Variants in OSBPL9 observed in about 807,000 individuals in gnomAD.
OSBPL9 encodes oxysterol-binding protein-related protein 9.
A neutral mutation model predicts 106.6 loss-of-function variants in OSBPL9; 40 were observed. The observed-to-expected ratio is 0.38, with a 90% CI of 0.29 to 0.49. OSBPL9 has a LOEUF of 0.49. Among genes scored for constraint, OSBPL9 ranks in the 20% least tolerant of loss-of-function variants. The pLI is 0.97. For missense variants in OSBPL9, 609 were observed against 887.2 expected (o/e 0.69, Z 3.98); for synonymous variants, 269 against 295.4 (o/e 0.91, Z 0.92).
At position 51,729,710 on chromosome 1, in the gene OSBPL9, G is replaced by A. The variant is rs933248504; in HGVS notation, c.318+15631G>A. 1 of 716,566 alleles carries A rather than the reference G, an allele frequency of 1.4e-6. No homozygotes were observed. The highest frequency in any genetic ancestry group is 1.9e-6 in the Non-Finnish European group (1 of 521,566). 44.4% of individuals were successfully genotyped at this position (716,566 alleles called of 1,614,324 possible). A position where few individuals can be genotyped will look rare whatever the true frequency, so the allele number is the denominator to read the frequency against. On this transcript the variant is annotated intron_variant, in intron 4 of 23. Coordinates refer to ENST00000428468, the MANE Select transcript of OSBPL9 (RefSeq NM_024586.6). This position sits in a 1 kb window ranked among gnomAD's most constrained non-coding sequence, Gnocchi z 5.1. ...GTCTGCCTCTCACCTCCTACAGCAG[G>A]TGACCCATGGCCAATCGCCAGGGGT...
intron 1 of OSBPL9, among the ~76,000 whole-genome samples, chr1:51,641,946 T>G (rs1377169942): frequency 6.6e-6 from 1 of 152,220 alleles, no homozygotes; most frequent in Non-Finnish European, 1.5e-5. Flanking sequence ...TAGATGTTTC[T>G]TTACAGAAAA....
chr1:51,740,942 CCAAAG>C (rs1401585099), intron 4 of OSBPL9, among the ~76,000 whole-genome samples: 1 of 152,144 alleles, frequency 6.6e-6, no homozygotes, highest in African/African-American at 2.4e-5. Flanking sequence ...AAGTGTCTCT[CCAAAG>C]CAACTATAAT....
In OSBPL9 at chr1:51,789,069, C is replaced by T. The variant is rs1021213506; in HGVS notation, c.*1280C>T. On this transcript the variant is annotated 3_prime_UTR_variant, in exon 24 of 24. Transcript: ENST00000428468. ...TTCCTTTGCCAGCTCCTACAGTAAC[C>T]CTGGGTTTATTAGTCTCAACAAAGG... The T allele has an allele frequency of 1.6e-5, 11 of 698,690 alleles. No homozygotes were observed. The Admixed American group carries it at 2.9e-4, about 18-fold the overall frequency. 43.3% of individuals were successfully genotyped at this position (698,690 alleles called of 1,614,324 possible). A position where few individuals can be genotyped will look rare whatever the true frequency, so the allele number is the denominator to read the frequency against.
chr1:51,781,433 G>T, intron 16 of OSBPL9, 98 bp downstream of exon 16: 1 of 1,218,502 alleles, frequency 8.2e-7, no homozygotes, highest in Non-Finnish European at 1.2e-6. Context: ...ATGATCAAAA[G>T]ATGGTCACCA....
At chr1:51,594,387 G>A (rs1390959131) in intron 1 of OSBPL9, among the ~76,000 whole-genome samples, 1 of 151,948 alleles carries the variant, frequency 6.6e-6, no homozygotes, top group Non-Finnish European at 1.5e-5. Context: ...AGGTGACGGA[G>A]TGAGACTCCA....
At chr1:51,610,927 G>A (rs1643983113) in intron 2 of OSBPL9, among the ~76,000 whole-genome samples, 1 of 152,188 alleles carries the variant, frequency 6.6e-6, no homozygotes, top group African/African-American at 2.4e-5. Context: ...AGATGCAATA[G>A]GTTGTCCCAG....
chr1:51,558,413 C>T, the OSBPL9 span, among the ~76,000 whole-genome samples: 1 of 152,110 alleles, frequency 6.6e-6, no homozygotes, highest in Admixed American at 6.5e-5. Flanking sequence ...CAGAGGCCAC[C>T]TCCCCAATTC....
the OSBPL9 span, among the ~76,000 whole-genome samples, chr1:51,548,981 A>G: frequency 6.6e-6 from 1 of 152,182 alleles, no homozygotes. Context: ...TCCAGCCCCA[A>G]AACAAAATAT....
chr1:51,767,639 T>C (rs911201240), intron 12 of OSBPL9, among the ~76,000 whole-genome samples: 1 of 152,190 alleles, frequency 6.6e-6, no homozygotes, highest in Non-Finnish European at 1.5e-5. Context: ...TAGGTGAATA[T>C]ATATAGTTAA....
chr1:51,703,436 CTTTG>C (rs759055917), intron 3 of OSBPL9, among the ~76,000 whole-genome samples: 11 of 152,208 alleles, frequency 7.2e-5, no homozygotes, highest in East Asian at 3.9e-4. Context: ...TGATTTGGCT[CTTTG>C]TTTGTCTGTT....
chr1:51,701,854 G>T (rs1400616764), intron 3 of OSBPL9, among the ~76,000 whole-genome samples: 1 of 151,932 alleles, frequency 6.6e-6, no homozygotes, highest in Non-Finnish European at 1.5e-5. Context: ...GTGTCCATGT[G>T]TTCTCGTTGT....
chr1:51,786,492 G>C (rs537566375), intron 21 of OSBPL9, 34 bp from the exon 22 acceptor site: 2 of 1,422,338 alleles, frequency 1.4e-6, no homozygotes, highest in East Asian at 4.6e-5. Context: ...GGGGTTTATG[G>C]GTCTAGTTCC....
Position 51,788,640 on chromosome 1 carries a change from A to AATC in OSBPL9, c.*852_*854dup, listed in dbSNP as rs1157392906. Among the ~76,000 whole-genome samples, 1 of 152,142 alleles carries AATC rather than the reference A, an allele frequency of 6.6e-6. No homozygotes were observed. The highest frequency in any genetic ancestry group is 1.5e-5 in the Non-Finnish European group (1 of 68,010). On this transcript the variant is annotated 3_prime_UTR_variant, in exon 24 of 24. Coordinates refer to ENST00000428468, the MANE Select transcript of OSBPL9 (RefSeq NM_024586.6). ...TAGCCCCTGCCAGGCAATTCCCCAGAATCTTCACTTAACTCATATTGCACA... is the reference window on the plus strand; with the variant it reads ...TAGCCCCTGCCAGGCAATTCCCCAGAATCATCTTCACTTAACTCATATTGCACA...
intron 15 of OSBPL9, among the ~76,000 whole-genome samples, chr1:51,780,601 GA>G (rs1676145665): frequency 1.3e-5 from 2 of 152,144 alleles, no homozygotes; most frequent in South Asian, 2.1e-4. Flanking sequence ...TATGCTAAAT[GA>G]AGAGACTCAG....
intron 2 of OSBPL9, among the ~76,000 whole-genome samples, chr1:51,658,521 C>A (rs557912265): frequency 6.6e-6 from 1 of 152,204 alleles, no homozygotes; most frequent in South Asian, 2.1e-4. Flanking sequence ...AACTATTAAT[C>A]TACATGTGAT....
intron 2 of OSBPL9, among the ~76,000 whole-genome samples, chr1:51,657,170 A>C (rs1398566975): frequency 1.3e-5 from 2 of 152,176 alleles, no homozygotes; most frequent in Non-Finnish European, 2.9e-5. Context: ...AATGTTGGGA[A>C]ATTTGCCTTT....
At chr1:51,672,331 T>A (rs1182974237) in intron 3 of OSBPL9, among the ~76,000 whole-genome samples, 1 of 152,226 alleles carries the variant, frequency 6.6e-6, no homozygotes, top group Non-Finnish European at 1.5e-5. Flanking sequence ...ATTGTGTGCA[T>A]GTTTAATCAC....
At chr1:51,567,000 C>T in the OSBPL9 span, among the ~76,000 whole-genome samples, 123 of 152,282 alleles carry the variant, frequency 8.1e-4, 1 homozygote, top group Non-Finnish European at 1.1e-3. Flanking sequence ...TTTCTAGGCT[C>T]GGTTCCTGCC....
intron 1 of OSBPL9, among the ~76,000 whole-genome samples, chr1:51,640,390 A>G (rs1645712388): frequency 6.6e-6 from 1 of 152,220 alleles, no homozygotes; most frequent in Non-Finnish European, 1.5e-5. Flanking sequence ...TAATCTTCTA[A>G]AAGCTTGCAG....
Sources: gnomAD v4.1 joint callset for allele counts (sites outside exome capture counted in the v4.1 genomes callset) on GRCh38, gnomAD v4.1.1 for gene constraint, Gnocchi (gnomAD v3.1) non-coding constraint, MANE v1.5 for transcripts, NCBI Gene and HGNC (gene_info 2026-07-23, HGNC 2026-07-21) for gene names.